Variants in SLIT3 observed in about 807,000 individuals in gnomAD.
SLIT3 encodes slit homolog 3 protein.
Under a neutral mutation model 184.0 loss-of-function variants are expected in SLIT3, and 68 were observed. The ratio of observed to expected loss-of-function variants is 0.37; its 90% CI spans 0.30 to 0.45. The LOEUF is 0.45. SLIT3 is among the 20% of genes least tolerant of loss of function. The probability of loss-of-function intolerance (pLI) is 1.00; values close to 1 mark genes in which losing one functional copy is unlikely to be tolerated. For synonymous variants in SLIT3, 831 were observed against 828.6 expected (o/e 1.00, Z -0.05); for missense variants, 1,707 against 2,026.0 (o/e 0.84, Z 3.02).
At chr5:169,133,815 A>G (rs943514101) in intron 4 of SLIT3, among the ~76,000 whole-genome samples, 1 of 152,200 alleles carries the variant, frequency 6.6e-6, no homozygotes, top group African/African-American at 2.4e-5. Flanking sequence ...CAAAGGGAGG[A>G]AGAAAATCTA....
chr5:168,905,176 C>CA lies in SLIT3; in HGVS notation c.414-21841dup, dbSNP rs554849738. Among the ~76,000 whole-genome samples, 89 of 119,934 alleles carry CA rather than the reference C, an allele frequency of 7.4e-4. 2 individuals carry two copies. In the South Asian group the frequency reaches 0.025, roughly 33 times the overall value. 78.7% of individuals were successfully genotyped at this position (119,934 alleles called of 152,430 possible). The stretch of plus-strand genomic sequence containing the variant: ...TGGGGACAGAGCGAGACTCCATCTC[C>CA]AAAAAAAAGAAAAAAAATGGGGATG... On this transcript the variant is annotated intron_variant, in intron 4 of 35. Transcript: ENST00000519560.
At chr5:169,129,813 C>A (rs184881921) in intron 4 of SLIT3, among the ~76,000 whole-genome samples, 1 of 151,334 alleles carries the variant, frequency 6.6e-6, no homozygotes, top group East Asian at 1.9e-4. Flanking sequence ...ATGCCAGTTT[C>A]TTTGGTGGTT....
At position 168,994,623 on chromosome 5, in the gene SLIT3, CTTTTTTTTTTTTTTTTTTTTTTTTTTT is replaced by C. The variant is rs66498923; in HGVS notation, c.414-111314_414-111288del. On this transcript the variant is annotated intron_variant, in intron 4 of 35. Transcript: ENST00000519560. ...ACATGTACCAGTGTCTGGCATTCTA[CTTTTTTTTTTTTTTTTTTTTTTTTTTT>C]TTTTTTTTTTTTTGAGACTGAGTCT... 1.3e-3 allele frequency among the ~76,000 whole-genome samples: 59 copies of C among 47,074 alleles called. 1 individual carries two copies. The highest frequency in any genetic ancestry group is 2.6e-3 in the South Asian group (3 of 1,140). 30.9% of individuals were successfully genotyped at this position (47,074 alleles called of 152,430 possible). A position where few individuals can be genotyped will look rare whatever the true frequency, so the allele number is the denominator to read the frequency against.
intron 4 of SLIT3, among the ~76,000 whole-genome samples, chr5:169,091,132 AACTTG>A (rs1317984169): frequency 6.6e-6 from 1 of 152,220 alleles, no homozygotes; most frequent in Non-Finnish European, 1.5e-5. Flanking sequence ...AATAAATATT[AACTTG>A]ACTTTAGGTT....
chr5:168,702,702 TGA>T, intron 26 of SLIT3, among the ~76,000 whole-genome samples: 1 of 152,142 alleles, frequency 6.6e-6, no homozygotes, highest in Non-Finnish European at 1.5e-5. Context: ...ATGATGATGA[TGA>T]TGATGATGAT....
chr5:168,815,522 T>A lies in SLIT3; in HGVS notation c.793+1778A>T, dbSNP rs371511736. 1.2e-4 allele frequency among the ~76,000 whole-genome samples: 18 copies of A among 152,368 alleles called. 2 individuals are homozygous for A. The East Asian group carries it at 1.3e-3, about 11-fold the overall frequency. ...ATTGTACCCTTTGCCGAATAATTAC[T>A]GTAATTATAGTCACTATATTTGAAG... On this transcript the variant is annotated intron_variant, in intron 8 of 35. Coordinates refer to ENST00000519560, the MANE Select transcript of SLIT3 (RefSeq NM_003062.4).
chr5:168,985,710 G>A (rs551825738), intron 4 of SLIT3, among the ~76,000 whole-genome samples: 1 of 152,310 alleles, frequency 6.6e-6, no homozygotes, highest in Admixed American at 6.5e-5. Context: ...CAGGGACAAA[G>A]ACTCACCTTG....
chr5:169,064,621 G>A (rs1758285412), intron 4 of SLIT3, among the ~76,000 whole-genome samples: 1 of 152,152 alleles, frequency 6.6e-6, no homozygotes, highest in Non-Finnish European at 1.5e-5. Context: ...TGCAATAACT[G>A]GCTGTATGAT....
intron 4 of SLIT3, among the ~76,000 whole-genome samples, chr5:169,101,809 T>G (rs1760029326): frequency 6.6e-6 from 1 of 152,226 alleles, no homozygotes; most frequent in Admixed American, 6.5e-5. Context: ...CATGTTATTC[T>G]GCTCTGCTTA....
At chr5:168,956,522 A>G (rs915248346) in intron 4 of SLIT3, among the ~76,000 whole-genome samples, 11 of 152,236 alleles carry the variant, frequency 7.2e-5, no homozygotes, top group Non-Finnish European at 1.0e-4. Context: ...GGGGCCAGGC[A>G]TGGTGGCTCA....
intron 4 of SLIT3, among the ~76,000 whole-genome samples, chr5:169,104,169 C>T (rs1354860917): frequency 6.6e-6 from 1 of 152,210 alleles, no homozygotes; most frequent in Non-Finnish European, 1.5e-5. Flanking sequence ...TGGAAATACC[C>T]CCATATTTGA....
Position 168,901,671 on chromosome 5 carries a change from C to A in SLIT3, c.414-18335G>T, listed in dbSNP as rs75791291. Among the ~76,000 whole-genome samples the A allele has an allele frequency of 7.7e-3, 1,179 of 152,276 alleles. 8 individuals are homozygous for A. The highest frequency in any genetic ancestry group is 0.041 in the South Asian group (199 of 4,820). ...AATTGAGGCTCCGAAAGAAAAAGGACTCGCCCAAAGTCATATAGCCTAAAG... is the reference window on the plus strand; with the variant it reads ...AATTGAGGCTCCGAAAGAAAAAGGAATCGCCCAAAGTCATATAGCCTAAAG... On this transcript the variant is annotated intron_variant, in intron 4 of 35. Transcript: ENST00000519560.
At chr5:168,860,883 G>C (rs1002229681) in intron 5 of SLIT3, among the ~76,000 whole-genome samples, 10 of 152,144 alleles carry the variant, frequency 6.6e-5, no homozygotes, top group Non-Finnish European at 1.3e-4. Context: ...GTTTCTGCCC[G>C]ACTCTGGTGC....
At chr5:169,213,765 C>T (rs62376909) in intron 3 of SLIT3, among the ~76,000 whole-genome samples, 21,857 of 152,216 alleles carry the variant, frequency 0.14, 1,930 homozygotes, top group East Asian at 0.45. Flanking sequence ...TTTTCTCTTC[C>T]TACTATATCC....
chr5:168,982,983 C>T (rs1340661756), intron 4 of SLIT3, among the ~76,000 whole-genome samples: 2 of 152,172 alleles, frequency 1.3e-5, no homozygotes, highest in Non-Finnish European at 2.9e-5. Flanking sequence ...TGTAATTTCA[C>T]TGAAACATTT....
At chr5:169,118,579 C>A (rs375185383) in intron 4 of SLIT3, among the ~76,000 whole-genome samples, 1 of 152,224 alleles carries the variant, frequency 6.6e-6, no homozygotes, top group African/African-American at 2.4e-5. Flanking sequence ...AGAAAGCGGG[C>A]AAGGCAGTCT....
At chr5:169,186,569 C>A (rs1763344389) in intron 4 of SLIT3, among the ~76,000 whole-genome samples, 1 of 152,124 alleles carries the variant, frequency 6.6e-6, no homozygotes, top group Non-Finnish European at 1.5e-5. Context: ...CCCAGGGTCA[C>A]CAGAAGGTGG....
chr5:168,710,382 T>TA (rs563966177), intron 25 of SLIT3, among the ~76,000 whole-genome samples: 103 of 152,236 alleles, frequency 6.8e-4, no homozygotes, highest in South Asian at 4.2e-3. Flanking sequence ...ATATGATCAA[T>TA]AAAAAAATCA....
chr5:168,688,423 T>C (rs574752279), intron 29 of SLIT3, among the ~76,000 whole-genome samples: 4 of 152,146 alleles, frequency 2.6e-5, no homozygotes, highest in East Asian at 3.9e-4. Context: ...CCCTCATCCC[T>C]CTCCTCCCTC....
Sources: allele counts gnomAD v4.1 joint callset (sites outside exome capture counted in the v4.1 genomes callset), GRCh38; gene constraint gnomAD v4.1.1; transcripts MANE v1.5; gene names NCBI Gene and HGNC (gene_info 2026-07-23, HGNC 2026-07-21).